The following PHLDB2 variants were observed in gnomAD, a reference collection of about 807,000 sequenced individuals.
PHLDB2 encodes pleckstrin homology like domain family B member 2.
In PHLDB2, 71 loss-of-function variants were observed where a neutral mutation model predicts 123.6. The ratio of observed to expected loss-of-function variants is 0.57; its 90% CI spans 0.47 to 0.70. PHLDB2 has a LOEUF of 0.70. PHLDB2 is among the 30% of genes least tolerant of loss of function. PHLDB2 has a pLI of 0.00. For missense variants in PHLDB2, 1,446 were observed against 1,519.5 expected, an observed-to-expected ratio of 0.95 and a Z score of 0.80; for synonymous variants, 547 against 541.6, an observed-to-expected ratio of 1.01 and a Z score of -0.14.
chr3:111,733,095 C>A (rs1941556999), intron 1 of PHLDB2, among the ~76,000 whole-genome samples: 1 of 152,052 alleles, frequency 6.6e-6, no homozygotes, highest in African/African-American at 2.4e-5. Flanking sequence ...GGACAGTGTA[C>A]ATATACTGTA....
At chr3:111,884,008 G>T in intron 1 of PHLDB2, 56 bp from the exon 2 acceptor site, 2 of 1,489,816 alleles carry the variant, frequency 1.3e-6, no homozygotes, top group South Asian at 1.3e-5. Context: ...CCTAACAAGG[G>T]ATTGTTCTTT....
intron 1 of PHLDB2, among the ~76,000 whole-genome samples, chr3:111,753,009 T>C (rs1010540711): frequency 2.0e-5 from 3 of 152,244 alleles, no homozygotes; most frequent in African/African-American, 7.2e-5. Flanking sequence ...TAGTATTCCA[T>C]GGTGTATATG....
At chr3:111,910,920 G>A (rs757048422) in intron 2 of PHLDB2, among the ~76,000 whole-genome samples, 203 of 152,216 alleles carry the variant, frequency 1.3e-3, no homozygotes, top group Non-Finnish European at 2.4e-3. Context: ...AGTGCTGCAT[G>A]TGTCAGTGAT....
Position 111,859,378 on chromosome 3 carries a change from A to G in PHLDB2, c.-213A>G. ...ACAGCAAACTGCCTGGGAGCGGGGC[A>G]GGTCACCAACTTCGTTGCTCGAACT... is the stretch of plus-strand genomic sequence containing the variant. On this transcript the variant is annotated 5_prime_UTR_variant, in exon 1 of 18. Transcript: ENST00000431670. 2 of 985,682 alleles carry G rather than the reference A, an allele frequency of 2.0e-6. No homozygotes were observed. Among genetic ancestry groups the G allele is most frequent in the Non-Finnish European group, 2.4e-6 (2 of 830,116 alleles). 61.1% of individuals were successfully genotyped at this position (985,682 alleles called of 1,614,324 possible). A position where few individuals can be genotyped will look rare whatever the true frequency, so the allele number is the denominator to read the frequency against.
intron 1 of PHLDB2, among the ~76,000 whole-genome samples, chr3:111,830,808 C>CAAAAAAAAAA (rs11475835): frequency 3.7e-5 from 2 of 53,334 alleles, no homozygotes; most frequent in East Asian, 6.0e-4. Context: ...GACTCCGTCT[C>CAAAAAAAAAA]AAAAAAAAAA....
chr3:111,894,118 A>G (rs1218936588), intron 2 of PHLDB2, among the ~76,000 whole-genome samples: 2 of 120,366 alleles, frequency 1.7e-5, no homozygotes, highest in African/African-American at 6.4e-5. Flanking sequence ...TGTCCATGTG[A>G]TCTCATTGTT....
At chr3:111,739,593 C>CA (rs373364272) in intron 1 of PHLDB2, among the ~76,000 whole-genome samples, 3,015 of 115,862 alleles carry the variant, frequency 0.026, 116 homozygotes, top group Admixed American at 0.034. Context: ...AAAAACAAAA[C>CA]AAACAAAAAA....
intron 2 of PHLDB2, among the ~76,000 whole-genome samples, chr3:111,903,516 C>A (rs2067320522): frequency 6.6e-6 from 1 of 152,104 alleles, no homozygotes; most frequent in Non-Finnish European, 1.5e-5. Flanking sequence ...CAAAGAAACC[C>A]CACAGATTTT....
chr3:111,733,129 T>C (rs1941558515), intron 1 of PHLDB2, among the ~76,000 whole-genome samples: 1 of 152,158 alleles, frequency 6.6e-6, no homozygotes, highest in Non-Finnish European at 1.5e-5. Flanking sequence ...AATAATATAT[T>C]CCGAGAAATA....
intron 2 of PHLDB2, among the ~76,000 whole-genome samples, chr3:111,902,304 A>G (rs1190425874): frequency 6.6e-6 from 1 of 152,142 alleles, no homozygotes; most frequent in Non-Finnish European, 1.5e-5. Flanking sequence ...AATGAAAATC[A>G]AAATAGGCTG....
chr3:111,859,877 C>T (rs2064726406), intron 1 of PHLDB2: 5 of 984,446 alleles, frequency 5.1e-6, no homozygotes, highest in Non-Finnish European at 6.0e-6. Context: ...AAAGATGAGA[C>T]GGTGAGTGGG....
At chr3:111,943,283 C>A (rs1330175440) in intron 8 of PHLDB2, among the ~76,000 whole-genome samples, 1 of 152,008 alleles carries the variant, frequency 6.6e-6, no homozygotes, top group African/African-American at 2.4e-5. Context: ...GGCACCAAAA[C>A]AATTCTTTCA....
chr3:111,919,086 A>C lies in PHLDB2; in HGVS notation c.1734A>C (p.Ile578=). 6.2e-7 allele frequency: 1 copy of C among 1,613,970 alleles called. No individual in the cohort carries two copies. Among genetic ancestry groups the C allele is most frequent in the Non-Finnish European group, 8.5e-7 (1 of 1,179,790 alleles). The part of the protein sequence containing the change: ...LSILPKTPEG[I]SEEQRSQELA... ...ATTAATCGCAGACCCCAGAGGGTATAAGTGAAGAACAGAGATCTCAGGAGT... is the reference window on the plus strand; with the variant it reads ...ATTAATCGCAGACCCCAGAGGGTATCAGTGAAGAACAGAGATCTCAGGAGT... Residue 578 remains isoleucine, a synonymous_variant, in exon 4 of 18, where the codon ATA becomes ATC. Transcript: ENST00000431670.
At chr3:111,846,069 C>T (rs1193503247) in intron 2 of PHLDB2, 4 of 908,440 alleles carry the variant, frequency 4.4e-6, no homozygotes, top group Non-Finnish European at 5.0e-6. Flanking sequence ...GAGCCTGAGG[C>T]TGGCAATCCT....
Position 111,876,593 on chromosome 3 carries a change from T to A in PHLDB2, c.-14-7471T>A, listed in dbSNP as rs1020928364. ...ATTTACTTTTTTTTAAGTTATACTT[T>A]AAGTTCTGGGGTACATGTGCAGAAC... On this transcript the variant is annotated intron_variant, in intron 1 of 17. Coordinates refer to ENST00000431670, the MANE Select transcript of PHLDB2 (RefSeq NM_001134438.2). Among the ~76,000 whole-genome samples, 32 of 152,226 alleles carry A rather than the reference T, an allele frequency of 2.1e-4. 1 individual carries two copies. Among genetic ancestry groups the A allele is most frequent in the Non-Finnish European group, 2.9e-5 (2 of 68,050 alleles).
At chr3:111,925,098 G>C (rs2068743443) in intron 5 of PHLDB2, among the ~76,000 whole-genome samples, 1 of 152,106 alleles carries the variant, frequency 6.6e-6, no homozygotes, top group African/African-American at 2.4e-5. Flanking sequence ...CAAAGTGCTG[G>C]GATTACAGGT....
At chr3:111,784,047 C>A (rs1487764453) in intron 1 of PHLDB2, among the ~76,000 whole-genome samples, 3 of 152,106 alleles carry the variant, frequency 2.0e-5, no homozygotes, top group Non-Finnish European at 4.4e-5. Context: ...CCTGGTGTCA[C>A]TGATGATGAT....
In PHLDB2 at chr3:111,885,109, C is replaced by G; in HGVS notation, c.1032C>G (p.Ala344=). 1 of 1,614,102 alleles carries G rather than the reference C, an allele frequency of 6.2e-7. No homozygotes were observed. Among genetic ancestry groups the G allele is most frequent in the Non-Finnish European group, 8.5e-7 (1 of 1,180,034 alleles). ...SPRVARKMLL[A]STSSCASDDF... The stretch of plus-strand genomic sequence containing the variant: ...GAGTGGCTCGGAAGATGCTTCTGGC[C>G]TCCACCTCCTCCTGTGCCTCTGATG... The change falls in exon 2 of 18, where the codon GCC becomes GCG. Residue 344 remains alanine, a synonymous_variant. Coordinates refer to ENST00000431670, the MANE Select transcript of PHLDB2 (RefSeq NM_001134438.2).
At chr3:111,827,404 G>T (rs906277655) in intron 1 of PHLDB2, among the ~76,000 whole-genome samples, 2 of 152,156 alleles carry the variant, frequency 1.3e-5, no homozygotes, top group Non-Finnish European at 2.9e-5. Flanking sequence ...GGCCGGGCGC[G>T]GTAGCTCACG....
Sources: allele counts gnomAD v4.1 joint callset (sites outside exome capture counted in the v4.1 genomes callset), GRCh38; gene constraint gnomAD v4.1.1; transcripts MANE v1.5; gene names NCBI Gene and HGNC (gene_info 2026-07-23, HGNC 2026-07-21).